PCDHGA6: variants seen among roughly 807,000 people sequenced by gnomAD.
PCDHGA6 encodes the protein protocadherin gamma-A6.
A neutral mutation model predicts 60.6 loss-of-function variants in PCDHGA6; 41 were observed. The ratio of observed to expected loss-of-function variants is 0.68; its 90% CI spans 0.53 to 0.88. The LOEUF (loss-of-function observed/expected upper bound fraction) is 0.88. PCDHGA6 is among the 40% of genes least tolerant of loss of function. PCDHGA6 has a pLI of 0.00. For synonymous variants in PCDHGA6, 594 were observed against 524.4 expected (o/e 1.13, Z -1.81); for missense variants, 1,312 against 1,203.0 (o/e 1.09, Z -1.34).
At chr5:141,397,642 T>A (rs1015821056) in intron 1 of PCDHGA6, among the ~76,000 whole-genome samples, 1 of 152,236 alleles carries the variant, frequency 6.6e-6, no homozygotes, top group African/African-American at 2.4e-5. Context: ...GTTCAAGGTA[T>A]GTTTGCAGAA....
At chr5:141,501,290 TACACACACACACACAC>T (rs55762287) in intron 2 of PCDHGA6, among the ~76,000 whole-genome samples, 7 of 136,164 alleles carry the variant, frequency 5.1e-5, no homozygotes, top group South Asian at 2.4e-4. Context: ...TATTCCCTTA[TACACACACACACACAC>T]ACACACACAC....
intron 2 of PCDHGA6, among the ~76,000 whole-genome samples, chr5:141,503,458 G>A (rs948221006): frequency 2.0e-5 from 3 of 152,018 alleles, no homozygotes; most frequent in Non-Finnish European, 4.4e-5. Flanking sequence ...CGCTGGGCAT[G>A]GTGGCATGTG....
intron 1 of PCDHGA6, chr5:141,478,777 C>T: frequency 6.7e-7 from 1 of 1,488,806 alleles, no homozygotes. Context: ...CATCTGTGGA[C>T]CTAATTCACA....
In PCDHGA6 at chr5:141,431,339, TTGG is replaced by T. The variant is rs750589924; in HGVS notation, c.2424+54835_2424+54837del. ...AGCCGACGGTAGTAAGTACCCCGAA[TTGG>T]TGCTGAAACGCGCCCTGGACCGCGA... is the stretch of plus-strand genomic sequence containing the variant. On this transcript the variant is annotated intron_variant, in intron 1 of 3. Coordinates refer to ENST00000517434, the MANE Select transcript of PCDHGA6 (RefSeq NM_018919.3). The surrounding 1 kb of genome is among the most constrained non-coding windows in gnomAD (Gnocchi z 4.8). 4 of 1,614,060 alleles carry T rather than the reference TTGG, an allele frequency of 2.5e-6. No individual in the cohort carries two copies. The Admixed American group carries it at 6.7e-5, about 27-fold the overall frequency.
chr5:141,387,086 A>G (rs761672201), intron 1 of PCDHGA6, among the ~76,000 whole-genome samples: 4 of 152,226 alleles, frequency 2.6e-5, no homozygotes, highest in Non-Finnish European at 5.9e-5. Context: ...GCCTGTGATC[A>G]TCGAAATGAG....
At position 141,409,547 on chromosome 5, in the gene PCDHGA6, G is replaced by T. The variant is rs760802690; in HGVS notation, c.2424+33040G>T. Reference sequence around the variant, plus strand: ...GTATGTCGCTGACATCAACGACAACGCCCCAGTTTTCGACCAGACGTCCTA... The same window carrying T: ...GTATGTCGCTGACATCAACGACAACTCCCCAGTTTTCGACCAGACGTCCTA... On this transcript the variant is annotated intron_variant, in intron 1 of 3. Coordinates refer to ENST00000517434, the MANE Select transcript of PCDHGA6 (RefSeq NM_018919.3). The T allele has an allele frequency of 2.4e-5, 39 of 1,613,818 alleles. No individual in the cohort carries two copies. The highest frequency in any genetic ancestry group is 3.1e-5 in the Non-Finnish European group (36 of 1,179,900).
chr5:141,410,045 G>C (rs962300160), intron 1 of PCDHGA6: 1 of 1,613,166 alleles, frequency 6.2e-7, no homozygotes. Context: ...CAGTGAGCCC[G>C]GACTCTTCAG....
chr5:141,427,319 G>T (rs1184530487), intron 1 of PCDHGA6: 4 of 456,958 alleles, frequency 8.8e-6, no homozygotes, highest in African/African-American at 8.0e-5. Flanking sequence ...CCCCAGACGT[G>T]GTTTTTACTT....
intron 1 of PCDHGA6, chr5:141,422,092 G>T: frequency 6.2e-7 from 1 of 1,611,520 alleles, no homozygotes; most frequent in Non-Finnish European, 8.5e-7. Context: ...GGAAAGCAAG[G>T]CTTCTGAAAT....
At chr5:141,448,999 GT>G (rs910018882) in intron 1 of PCDHGA6, among the ~76,000 whole-genome samples, 2 of 151,816 alleles carry the variant, frequency 1.3e-5, no homozygotes, top group African/African-American at 4.8e-5. Context: ...ATAGAAAGCT[GT>G]TTTTTTTAAC....
rs1001412632 is a variant in PCDHGA6, at chr5:141,493,097, A to G, written c.2425-1710A>G. On this transcript the variant is annotated intron_variant, in intron 1 of 3. Transcript: ENST00000517434. The surrounding 1 kb of genome is among the most constrained non-coding windows in gnomAD (Gnocchi z 4.3). ...AACTCCAGGAGCTTTTATTCAAAAT[A>G]TATCAATGCCTAACTCTGCTCCTAG... Among the ~76,000 whole-genome samples, 1 of 152,224 alleles carries G rather than the reference A, an allele frequency of 6.6e-6. No homozygotes were observed. The highest frequency in any genetic ancestry group is 2.4e-5 in the African/African-American group (1 of 41,456).
chr5:141,478,758 T>C (rs1333135263), intron 1 of PCDHGA6: 2 of 1,515,540 alleles, frequency 1.3e-6, no homozygotes, highest in South Asian at 1.3e-5. Flanking sequence ...AGGGGGAAGA[T>C]ACTTGACTCA....
At chr5:141,428,305 G>A (rs751498223) in intron 1 of PCDHGA6, 8 of 694,348 alleles carry the variant, frequency 1.2e-5, no homozygotes, top group African/African-American at 1.8e-5. Flanking sequence ...GATTTACCTG[G>A]TCGTGGCCTT....
At chr5:141,495,852 TCTCA>T (rs1473070626) in intron 2 of PCDHGA6, among the ~76,000 whole-genome samples, 1 of 152,174 alleles carries the variant, frequency 6.6e-6, no homozygotes, top group Non-Finnish European at 1.5e-5. Flanking sequence ...TTTCTCTGTC[TCTCA>T]CTATTTCTGC....
intron 1 of PCDHGA6, chr5:141,394,860 G>C (rs750446579): frequency 5.0e-6 from 8 of 1,613,674 alleles, no homozygotes; most frequent in Non-Finnish European, 5.9e-6. Flanking sequence ...GCCTTCGGTC[G>C]ACCCGAACGA....
chr5:141,391,553 T>G (rs2150453893), intron 1 of PCDHGA6: 1 of 152,348 alleles, frequency 6.6e-6, no homozygotes, highest in South Asian at 2.1e-4. Context: ...CTACCCAGTT[T>G]TCCATATGCA....
chr5:141,490,589 A>G lies in PCDHGA6; in HGVS notation c.2425-4218A>G, dbSNP rs761250654. On this transcript the variant is annotated intron_variant, in intron 1 of 3. Transcript: ENST00000517434. The surrounding 1 kb of genome is among the most constrained non-coding windows in gnomAD (Gnocchi z 5.4). ...CTCAACATTTCAGATGTCAATGACA[A>G]TGCACCCCGCTTCAACCAGCAGCTT... The G allele has an allele frequency of 5.7e-5, 92 of 1,614,042 alleles. No individual in the cohort carries two copies. Among genetic ancestry groups the G allele is most frequent in the Non-Finnish European group, 7.6e-5 (90 of 1,180,036 alleles).
Position 141,431,300 on chromosome 5 carries a change from A to G in PCDHGA6, c.2424+54793A>G, listed in dbSNP as rs200375087. 7.4e-6 allele frequency: 12 copies of G among 1,614,008 alleles called. No homozygotes were observed. Among genetic ancestry groups the G allele is most frequent in the Admixed American group, 1.7e-5 (1 of 60,010 alleles). ...CAGCCCGAACACTCACTTCTCCCTC[A>G]TCGTGCAAAATGGAGCCGACGGTAG... On this transcript the variant is annotated intron_variant, in intron 1 of 3. Coordinates refer to ENST00000517434, the MANE Select transcript of PCDHGA6 (RefSeq NM_018919.3). This position sits in a 1 kb window ranked among gnomAD's most constrained non-coding sequence, Gnocchi z 4.8.
rs1312408619 is a variant in PCDHGA6 at position 141,376,420 on chromosome 5, T to C, written c.2337T>C (p.Leu779=). 3.1e-6 allele frequency: 5 copies of C among 1,614,196 alleles called. No homozygotes were observed. The highest frequency in any genetic ancestry group is 1.3e-5 in the African/African-American group (1 of 75,042). ...CCCAGCCCAACTATGCCGACACGCT[T>C]ATCAACCAGGAGAGCTATGAGAAAA... is the stretch of plus-strand genomic sequence containing the variant. The part of the protein sequence containing the change: ...IFPQPNYADT[L]INQESYEKSE... Residue 779 remains leucine (L), a synonymous_variant, in exon 1 of 4, where the codon CTT becomes CTC. Coordinates refer to ENST00000517434, the MANE Select transcript of PCDHGA6 (RefSeq NM_018919.3).
Sources: gnomAD v4.1 joint callset for allele counts (sites outside exome capture counted in the v4.1 genomes callset) on GRCh38, gnomAD v4.1.1 for gene constraint, Gnocchi (gnomAD v3.1) non-coding constraint, MANE v1.5 for transcripts, NCBI Gene and HGNC (gene_info 2026-07-23, HGNC 2026-07-21) for gene names.